Variants in MGAM observed in about 807,000 individuals in gnomAD.
The protein encoded by MGAM is maltase-glucoamylase.
Under a neutral mutation model 358.8 loss-of-function variants are expected in MGAM, and 253 were observed. That is an observed-to-expected ratio of 0.71 (90% CI 0.64 to 0.78). MGAM has a LOEUF of 0.78. Among genes scored for constraint, MGAM ranks in the 30% least tolerant of loss-of-function variants. The pLI, the probability that MGAM is intolerant of heterozygous loss-of-function variation, is 0.00. For synonymous variants in MGAM, 1,105 were observed against 1,227.1 expected, an observed-to-expected ratio of 0.90 and a Z score of 2.08; for missense variants, 3,080 against 3,432.6, an observed-to-expected ratio of 0.90 and a Z score of 2.57.
chr7:142,044,830 A>G (rs1485310082), intron 21 of MGAM, among the ~76,000 whole-genome samples: 2 of 67,902 alleles, frequency 2.9e-5, no homozygotes, highest in African/African-American at 1.2e-4. Context: ...AATATATGAT[A>G]TATAATGTAT....
intron 41 of MGAM, among the ~76,000 whole-genome samples, 174 bp from the exon 42 acceptor site, chr7:142,067,167 C>A (rs1335592337): frequency 6.8e-6 from 1 of 146,164 alleles, no homozygotes; most frequent in African/African-American, 2.4e-5. Flanking sequence ...TGAGGCACAT[C>A]CCATGGGGAA....
intron 22 of MGAM, among the ~76,000 whole-genome samples, chr7:142,049,379 C>T (rs1810718631): frequency 6.6e-6 from 1 of 152,146 alleles, no homozygotes; most frequent in South Asian, 2.1e-4. Context: ...ACCTCCTTGA[C>T]ATTAGTCTTG....
At chr7:142,104,330 G>A (rs1292272759) in intron 70 of MGAM, among the ~76,000 whole-genome samples, 1 of 152,120 alleles carries the variant, frequency 6.6e-6, no homozygotes, top group East Asian at 1.9e-4. Flanking sequence ...AGAAGCACTA[G>A]AAATAGCTTA....
In MGAM at chr7:142,030,465, A is replaced by T. The variant is rs782308686; in HGVS notation, c.1325A>T (p.Asn442Ile). The T allele has an allele frequency of 3.1e-6, 5 of 1,613,728 alleles. No individual in the cohort carries two copies. Among genetic ancestry groups the T allele is most frequent in the Middle Eastern group, 1.7e-4 (1 of 6,058 alleles). ...CCTGAATTTGTCAACGAGTTACACA[A>T]TAATGGACAGAAGCTTGTCATCATT... is the stretch of plus-strand genomic sequence containing the variant. ...GFPEFVNELH[N>I]NGQKLVIIVD... Residue 442 changes from asparagine (N) to isoleucine (I), a missense_variant, in exon 11 of 71, where the codon AAT becomes ATT. This residue lies in a region of MGAM where 1,816 missense variants were observed against 1,840.5 expected (regional missense o/e 0.99). Coordinates refer to ENST00000475668, the MANE Select transcript of MGAM (RefSeq NM_001365693.1).
intron 70 of MGAM, 88 bp downstream of exon 70, chr7:142,103,527 C>G: frequency 7.8e-7 from 1 of 1,274,660 alleles, no homozygotes; most frequent in South Asian, 1.9e-5. Context: ...CAAATGATGC[C>G]CTCTCCTGCC....
In MGAM at chr7:142,044,225, CATATA is replaced by C. The variant is rs1373336353; in HGVS notation, c.2498+3385_2498+3389del. Among the ~76,000 whole-genome samples, 2 of 55,604 alleles carry C rather than the reference CATATA, an allele frequency of 3.6e-5. 1 individual carries two copies. Among genetic ancestry groups the C allele is most frequent in the East Asian group, 9.7e-4 (2 of 2,054 alleles). The allele number at this position is 55,604 out of a possible 152,430, so 36.5% of individuals were successfully genotyped here. A position where few individuals can be genotyped will look rare whatever the true frequency, so the allele number is the denominator to read the frequency against. On this transcript the variant is annotated intron_variant, in intron 21 of 70. Transcript: ENST00000475668. ...ATATATACATTATATACACATACGA[CATATA>C]ATATATACATTATATACACATACGA...
chr7:141,988,498 G>C (rs1281306233), intron 2 of MGAM, among the ~76,000 whole-genome samples: 3 of 152,028 alleles, frequency 2.0e-5, no homozygotes, highest in Non-Finnish European at 4.4e-5. Flanking sequence ...CCGAGTAGCT[G>C]AGATAACAGG....
At chr7:142,080,232 G>C (rs76524436) in intron 49 of MGAM, among the ~76,000 whole-genome samples, 1 of 146,200 alleles carries the variant, frequency 6.8e-6, no homozygotes, top group Admixed American at 6.9e-5. Flanking sequence ...ACATCACCCA[G>C]GTGTTGTGAG....
intron 46 of MGAM, 140 bp from the exon 47 acceptor site, chr7:142,076,519 G>C (rs1813752437): frequency 1.1e-6 from 1 of 905,502 alleles, no homozygotes; most frequent in Admixed American, 2.1e-5. Flanking sequence ...TGTACTTCTT[G>C]AGCAGACACT....
intron 7 of MGAM, among the ~76,000 whole-genome samples, chr7:142,024,121 T>C (rs10269972): frequency 0.05 from 7,575 of 151,674 alleles, 421 homozygotes; most frequent in African/African-American, 0.13. Context: ...CCCAGCTACT[T>C]GGGAGGCTGA....
At chr7:142,050,501 G>A (rs1810840586) in intron 23 of MGAM, among the ~76,000 whole-genome samples, 196 bp from the exon 24 acceptor site, 1 of 152,166 alleles carries the variant, frequency 6.6e-6, no homozygotes, top group Admixed American at 6.5e-5. Context: ...TTAAATGCCT[G>A]TGTGTTTTTA....
chr7:142,028,966 C>T (rs1457411210), intron 10 of MGAM, among the ~76,000 whole-genome samples: 1 of 152,074 alleles, frequency 6.6e-6, no homozygotes, highest in Non-Finnish European at 1.5e-5. Context: ...ACACAGCCAC[C>T]ATAATAATGA....
intron 11 of MGAM, 44 bp downstream of exon 11, chr7:142,030,537 C>T (rs571642783): frequency 1.7e-5 from 28 of 1,611,426 alleles, no homozygotes; most frequent in African/African-American, 1.1e-4. Context: ...TTTGCTCCTC[C>T]GTATCATACA....
chr7:142,049,960 A>G (rs1332568788), intron 22 of MGAM, among the ~76,000 whole-genome samples: 7 of 152,222 alleles, frequency 4.6e-5, no homozygotes, highest in African/African-American at 1.2e-4. Context: ...TATCCAGAGG[A>G]CATGAAACCA....
chr7:142,042,099 T>TA (rs1211042917), intron 21 of MGAM, among the ~76,000 whole-genome samples: 1 of 76,454 alleles, frequency 1.3e-5, no homozygotes, highest in Non-Finnish European at 2.3e-5. Flanking sequence ...ATATAATATA[T>TA]ACATATAATA....
chr7:142,092,872 G>A lies in MGAM; in HGVS notation c.7033+264G>A, dbSNP rs1761095476. On this transcript the variant is annotated intron_variant, in intron 59 of 70. Transcript: ENST00000475668. ...GCCACCAAAGGGTTCTCACAGCTAG[G>A]CTTGTTAGTTTTTTAGGCTTATGTG... Among the ~76,000 whole-genome samples, 2 of 146,470 alleles carry A rather than the reference G, an allele frequency of 1.4e-5. 1 individual carries two copies. The highest frequency in any genetic ancestry group is 4.9e-5 in the African/African-American group (2 of 41,128).
rs779554398 is a variant in MGAM at position 142,052,840 on chromosome 7, C to T, written c.3015C>T (p.Val1005=). The T allele has an allele frequency of 1.6e-5, 26 of 1,613,874 alleles. No homozygotes were observed. The South Asian group carries it at 2.7e-4, about 17-fold the overall frequency. The change falls in exon 26 of 71, where the codon GTC becomes GTT. Residue 1005 remains valine, a synonymous_variant. Transcript: ENST00000475668. ...FCYFVNDLYS[V]SDVQYNSHGA... The stretch of plus-strand genomic sequence containing the variant: ...ATTTTGTCAACGACCTATACTCTGT[C>T]AGTGATGTTCAGTATAATTCCCATG...
At chr7:141,992,838 C>T (rs191429828), upstream of MGAM, among the ~76,000 whole-genome samples, 5 of 152,272 alleles carry the variant, frequency 3.3e-5, no homozygotes, top group Admixed American at 3.3e-4. Flanking sequence ...TCGTCTTGGC[C>T]TCCCAAAGTG....
chr7:142,035,744 G>A (rs781972319), intron 16 of MGAM, among the ~76,000 whole-genome samples: 1 of 152,120 alleles, frequency 6.6e-6, no homozygotes, highest in Non-Finnish European at 1.5e-5. Context: ...AGGTTGAACA[G>A]CAAGGAAGTC....
Sources: gnomAD v4.1 joint callset for allele counts (sites outside exome capture counted in the v4.1 genomes callset) on GRCh38, gnomAD v4.1.1 for gene constraint, gnomAD v4.1.1 regional missense constraint, MANE v1.5 for transcripts, NCBI Gene and HGNC (gene_info 2026-07-23, HGNC 2026-07-21) for gene names.